FGF14: variants seen among roughly 807,000 people sequenced by gnomAD.
FGF14 encodes fibroblast growth factor 14.
In FGF14, 5 loss-of-function variants were observed where a neutral mutation model predicts 25.5. That is an observed-to-expected ratio of 0.20 (90% CI 0.10 to 0.41). FGF14 has a LOEUF of 0.41. Ranked by LOEUF, FGF14 falls within the 10% of genes least tolerant of loss-of-function variation. The pLI, the probability that FGF14 is intolerant of heterozygous loss-of-function variation, is 1.00. For synonymous variants in FGF14, 138 were observed against 118.3 expected, an observed-to-expected ratio of 1.17 and a Z score of -1.08; for missense variants, 222 against 320.1, an observed-to-expected ratio of 0.69 and a Z score of 2.34.
intron 3 of FGF14, among the ~76,000 whole-genome samples, chr13:101,850,621 CTATA>C (rs1169980104): frequency 7.8e-6 from 1 of 127,710 alleles, no homozygotes; most frequent in Non-Finnish European, 1.7e-5. Flanking sequence ...CATATATATT[CTATA>C]TATATAGAAA....
chr13:102,104,115 G>A (rs527872415), intron 1 of FGF14, among the ~76,000 whole-genome samples: 166 of 152,266 alleles, frequency 1.1e-3, no homozygotes, highest in Non-Finnish European at 1.7e-3. Flanking sequence ...GAGGACTAAG[G>A]ATCCTTTTGG....
intron 1 of FGF14, among the ~76,000 whole-genome samples, chr13:102,031,239 T>A (rs1254314168): frequency 6.6e-6 from 1 of 152,114 alleles, no homozygotes; most frequent in African/African-American, 2.4e-5. Flanking sequence ...ATGAAAAAGA[T>A]CCAAGCACAG....
chr13:102,136,993 A>G (rs1211806683), intron 1 of FGF14, among the ~76,000 whole-genome samples: 1 of 152,210 alleles, frequency 6.6e-6, no homozygotes, highest in Non-Finnish European at 1.5e-5. Context: ...TGTGACAGTG[A>G]TAAGAGCCTG....
chr13:102,362,808 A>G (rs761008715), intron 1 of FGF14, among the ~76,000 whole-genome samples: 3 of 63,952 alleles, frequency 4.7e-5, no homozygotes, highest in African/African-American at 4.6e-4. Flanking sequence ...ACAAGTATAG[A>G]AAAAAAAATC....
chr13:102,090,338 C>T (rs2140240732), intron 1 of FGF14, among the ~76,000 whole-genome samples: 1 of 152,242 alleles, frequency 6.6e-6, no homozygotes, highest in Non-Finnish European at 1.5e-5. Flanking sequence ...TGCTACTATT[C>T]GAAGGCAGAG....
chr13:102,013,187 G>A (rs1258618912), intron 1 of FGF14, among the ~76,000 whole-genome samples: 1 of 151,892 alleles, frequency 6.6e-6, no homozygotes, highest in African/African-American at 2.4e-5. Flanking sequence ...AAAAACACCA[G>A]AGATAAAAAG....
intron 1 of FGF14, among the ~76,000 whole-genome samples, chr13:101,992,658 T>C (rs2038970938): frequency 6.6e-6 from 1 of 152,012 alleles, no homozygotes; most frequent in Non-Finnish European, 1.5e-5. Context: ...GGAGATGCTA[T>C]AAAATAAGAA....
chr13:101,814,221 C>T (rs2041718707), intron 3 of FGF14, among the ~76,000 whole-genome samples: 1 of 152,078 alleles, frequency 6.6e-6, no homozygotes, highest in Non-Finnish European at 1.5e-5. Flanking sequence ...ATCAGAATCC[C>T]ATTTTAACTA....
At chr13:102,162,053 T>C (rs186393909) in intron 1 of FGF14, among the ~76,000 whole-genome samples, 41 of 152,286 alleles carry the variant, frequency 2.7e-4, no homozygotes, top group South Asian at 8.3e-4. Context: ...TTGGGAGACA[T>C]TTTGTCAGTT....
intron 1 of FGF14, chr13:102,002,463 T>C (rs9805276): frequency 0.033 from 5,102 of 156,474 alleles, 255 homozygotes; most frequent in African/African-American, 0.12. Context: ...ATATGGATAG[T>C]ATCAAGTTGA....
intron 1 of FGF14, among the ~76,000 whole-genome samples, chr13:102,350,634 C>A (rs2057249369): frequency 6.6e-6 from 1 of 152,154 alleles, no homozygotes; most frequent in African/African-American, 2.4e-5. Flanking sequence ...AGTCAAGCTG[C>A]CTGCCATAGC....
At position 102,109,085 on chromosome 13, in the gene FGF14, CAT is replaced by C. The variant is rs1275556264; in HGVS notation, c.209-233791_209-233790del. Reference sequence around the variant, plus strand: ...ACATGTGTGTGCATGCATGTGCAAACATATTTCTAGAGAGGTCTTTCATCACA... The same window carrying C: ...ACATGTGTGTGCATGCATGTGCAAACATTTCTAGAGAGGTCTTTCATCACA... On this transcript the variant is annotated intron_variant, in intron 1 of 4. Coordinates refer to the FGF14 transcript ENST00000376131. 5.5e-5 allele frequency among the ~76,000 whole-genome samples: 5 copies of C among 90,576 alleles called. No individual in the cohort carries two copies. The East Asian group carries it at 1.5e-3, about 27-fold the overall frequency. The allele number at this position is 90,576 out of a possible 152,430, so 59.4% of individuals were successfully genotyped here. A position where few individuals can be genotyped will look rare whatever the true frequency, so the allele number is the denominator to read the frequency against.
chr13:101,772,933 T>C (rs1319732903), intron 3 of FGF14, among the ~76,000 whole-genome samples: 1 of 152,140 alleles, frequency 6.6e-6, no homozygotes, highest in African/African-American at 2.4e-5. Flanking sequence ...TTATAATCAA[T>C]TTACTCTGTT....
In FGF14 at chr13:102,174,864, AT is replaced by A. The variant is rs1320334365; in HGVS notation, c.208+226606del. Among the ~76,000 whole-genome samples the A allele has an allele frequency of 3.3e-5, 5 of 152,232 alleles. No individual in the cohort carries two copies. The East Asian group carries it at 9.7e-4, about 29-fold the overall frequency. ...CAGGATCTGTACTTCAGACCTCAGC[AT>A]CACACAATATTCTCATGTAATAAAT... On this transcript the variant is annotated intron_variant, in intron 1 of 4. Coordinates refer to the FGF14 transcript ENST00000376131.
chr13:102,086,112 T>C (rs888786272), intron 1 of FGF14, among the ~76,000 whole-genome samples: 2 of 152,232 alleles, frequency 1.3e-5, no homozygotes, highest in Admixed American at 6.5e-5. Flanking sequence ...TTATGCTAAA[T>C]GACAAGTCTT....
At chr13:101,727,544 A>G (rs114818485) in intron 3 of FGF14, among the ~76,000 whole-genome samples, 177 of 152,286 alleles carry the variant, frequency 1.2e-3, no homozygotes, top group African/African-American at 4.2e-3. Flanking sequence ...ATTATGCTCA[A>G]TGCCATGGTC....
intron 1 of FGF14, among the ~76,000 whole-genome samples, chr13:102,238,434 T>C (rs2051429854): frequency 6.6e-6 from 1 of 152,234 alleles, no homozygotes; most frequent in African/African-American, 2.4e-5. Context: ...CTGTAGAAGA[T>C]ACACATTTCA....
At chr13:102,324,931 G>T (rs761954259) in intron 1 of FGF14, among the ~76,000 whole-genome samples, 40 of 150,700 alleles carry the variant, frequency 2.7e-4, no homozygotes, top group South Asian at 6.3e-4. Flanking sequence ...GTTTTTTTTT[G>T]ATAATTTTGC....
At chr13:101,784,027 T>A (rs1191432125) in intron 3 of FGF14, among the ~76,000 whole-genome samples, 1 of 152,200 alleles carries the variant, frequency 6.6e-6, no homozygotes, top group Non-Finnish European at 1.5e-5. Flanking sequence ...CTGAGTTCAC[T>A]ATTTTGTTCC....
Sources: allele counts gnomAD v4.1 joint callset (sites outside exome capture counted in the v4.1 genomes callset), GRCh38; gene constraint gnomAD v4.1.1; transcripts MANE v1.5; gene names NCBI Gene and HGNC (gene_info 2026-07-23, HGNC 2026-07-21).